The following LSM12 variants were observed in gnomAD, a reference collection of about 807,000 sequenced individuals.
LSM12 encodes the protein LSM12 homolog.
For synonymous variants in LSM12, 74 were observed against 87.3 expected (o/e 0.85, Z 0.85); for missense variants, 108 against 238.9 (o/e 0.45, Z 3.61).
intron 3 of LSM12, among the ~76,000 whole-genome samples, chr17:44,039,612 A>G (rs2049462752): frequency 7.3e-6 from 1 of 137,398 alleles, no homozygotes; most frequent in Non-Finnish European, 1.6e-5. Flanking sequence ...CGATCTCCTG[A>G]CCTCATGATC....
At chr17:44,042,894 G>T (rs1478608143) in intron 2 of LSM12, among the ~76,000 whole-genome samples, 5 of 151,756 alleles carry the variant, frequency 3.3e-5, no homozygotes, top group Admixed American at 3.3e-4. Context: ...GTAGAGACAG[G>T]ATTTCACCAT....
At chr17:44,056,855 G>A (rs1409385835) in intron 2 of LSM12, among the ~76,000 whole-genome samples, 1 of 151,992 alleles carries the variant, frequency 6.6e-6, no homozygotes, top group Non-Finnish European at 1.5e-5. Flanking sequence ...GCCAGGTGGG[G>A]TGGCACATGC....
intron 2 of LSM12, among the ~76,000 whole-genome samples, chr17:44,041,324 C>CACACACACAA (rs1363109602): frequency 4.1e-5 from 6 of 145,352 alleles, no homozygotes; most frequent in African/African-American, 1.6e-4. Flanking sequence ...CACACACACA[C>CACACACACAA]ACACACACAA....
intron 2 of LSM12, among the ~76,000 whole-genome samples, chr17:44,051,911 C>G (rs565232448): frequency 1.3e-5 from 2 of 152,200 alleles, no homozygotes; most frequent in South Asian, 2.1e-4. Context: ...AGTTCAAGAC[C>G]AGCCTGGCCA....
intron 1 of LSM12, among the ~76,000 whole-genome samples, chr17:44,064,194 C>G (rs918767160): frequency 6.6e-6 from 1 of 152,176 alleles, no homozygotes; most frequent in African/African-American, 2.4e-5. Flanking sequence ...AGATTTAATG[C>G]GTTTGTCTTG....
chr17:44,049,187 TAAA>T (rs951211030), intron 2 of LSM12, among the ~76,000 whole-genome samples: 28 of 152,086 alleles, frequency 1.8e-4, no homozygotes, highest in African/African-American at 6.5e-4. Context: ...ACTCTGTCTT[TAAA>T]AAACAACAAC....
intron 2 of LSM12, among the ~76,000 whole-genome samples, chr17:44,048,018 A>AACACACAC (rs57164806): frequency 1.1e-3 from 156 of 137,486 alleles, no homozygotes; most frequent in Non-Finnish European, 1.8e-3. Context: ...GTCCGTATTA[A>AACACACAC]ACACACACAC....
At chr17:44,040,059 G>A (rs2049467700) in intron 3 of LSM12, 88 bp downstream of exon 3, 4 of 976,324 alleles carry the variant, frequency 4.1e-6, no homozygotes, top group Non-Finnish European at 4.7e-6. Context: ...TAGACTTTTA[G>A]GAAGACAACC....
intron 2 of LSM12, among the ~76,000 whole-genome samples, chr17:44,045,089 G>A (rs1306852015): frequency 1.1e-4 from 17 of 152,038 alleles, no homozygotes; most frequent in African/African-American, 3.9e-4. Context: ...GTGCAGTGGT[G>A]CGATCTCAGC....
At chr17:44,066,874 G>C (rs1055690833), upstream of LSM12, 1 of 257,514 alleles carries the variant, frequency 3.9e-6, no homozygotes, top group Non-Finnish European at 7.3e-6. Context: ...AGGGGAAAGA[G>C]GAGGGAGCTG....
chr17:44,039,333 G>C (rs1465279681), intron 3 of LSM12, among the ~76,000 whole-genome samples: 1 of 150,944 alleles, frequency 6.6e-6, no homozygotes, highest in Non-Finnish European at 1.5e-5. Context: ...GGGATTACAG[G>C]CGTGAGCCAC....
chr17:44,048,406 C>T (rs1388873347), intron 2 of LSM12, among the ~76,000 whole-genome samples: 1 of 149,598 alleles, frequency 6.7e-6, no homozygotes, highest in Non-Finnish European at 1.5e-5. Context: ...TGCTTGAACC[C>T]GGGAGGCGGA....
At chr17:44,062,507 G>C (rs1338510986) in intron 2 of LSM12, among the ~76,000 whole-genome samples, 1 of 152,184 alleles carries the variant, frequency 6.6e-6, no homozygotes, top group Admixed American at 6.5e-5. Flanking sequence ...AATGTTCCAA[G>C]TACAGGGGAC....
chr17:44,066,389 C>A, intron 1 of LSM12, 75 bp downstream of exon 1: 1 of 1,489,618 alleles, frequency 6.7e-7, no homozygotes, highest in South Asian at 1.3e-5. Flanking sequence ...CCCCAGCCGC[C>A]GCCGTCGTCC....
chr17:44,054,737 T>C (rs1443712827), intron 2 of LSM12, among the ~76,000 whole-genome samples: 1 of 152,206 alleles, frequency 6.6e-6, no homozygotes, highest in Non-Finnish European at 1.5e-5. Flanking sequence ...TGTATCTTCC[T>C]GATGCTTCTA....
intron 2 of LSM12, among the ~76,000 whole-genome samples, chr17:44,043,320 AATAT>A (rs770993908): frequency 6.6e-6 from 1 of 152,114 alleles, no homozygotes; most frequent in Non-Finnish European, 1.5e-5. Flanking sequence ...ATACAGCAGC[AATAT>A]ATATATAATC....
At chr17:44,065,881 A>C (rs1312756756) in intron 1 of LSM12, among the ~76,000 whole-genome samples, 2 of 151,452 alleles carry the variant, frequency 1.3e-5, no homozygotes, top group African/African-American at 4.9e-5. Flanking sequence ...CCACACATAC[A>C]CACGCATCAG....
At chr17:44,058,570 C>T (rs953324982) in intron 2 of LSM12, among the ~76,000 whole-genome samples, 3 of 152,040 alleles carry the variant, frequency 2.0e-5, no homozygotes, top group East Asian at 1.9e-4. Flanking sequence ...CGGTGGCTCA[C>T]GCCTGTAAAC....
chr17:44,067,057 T>C (rs2049889686), upstream of LSM12, among the ~76,000 whole-genome samples: 3 of 152,134 alleles, frequency 2.0e-5, no homozygotes, highest in South Asian at 6.2e-4. Flanking sequence ...CCCAGCACTT[T>C]GGGAGGCCGA....
Sources: allele counts gnomAD v4.1 joint callset (sites outside exome capture counted in the v4.1 genomes callset), GRCh38; gene constraint gnomAD v4.1.1; transcripts MANE v1.5; gene names NCBI Gene and HGNC (gene_info 2026-07-23, HGNC 2026-07-21).